The following MAGI1 variants were observed in gnomAD, a reference collection of about 807,000 sequenced individuals.
MAGI1 encodes the protein membrane-associated guanylate kinase, WW and PDZ domain-containing protein 1.
Under a neutral mutation model 139.9 loss-of-function variants are expected in MAGI1, and 58 were observed. The ratio of observed to expected loss-of-function variants is 0.41; its 90% CI spans 0.34 to 0.52. The LOEUF (loss-of-function observed/expected upper bound fraction) is 0.52. Ranked by LOEUF, MAGI1 falls within the 20% of genes least tolerant of loss-of-function variation. The pLI is 0.12. For missense variants in MAGI1, 1,874 were observed against 1,901.6 expected (o/e 0.99, Z 0.27); for synonymous variants, 812 against 737.9 (o/e 1.10, Z -1.63).
intron 1 of MAGI1, among the ~76,000 whole-genome samples, chr3:65,921,404 G>C (rs1447514814): frequency 6.6e-6 from 1 of 151,788 alleles, no homozygotes; most frequent in Admixed American, 6.6e-5. Context: ...TGTGTCCCGG[G>C]TTCAAGTAAT....
chr3:65,888,940 T>A (rs1301167849), intron 1 of MAGI1, among the ~76,000 whole-genome samples: 1 of 152,172 alleles, frequency 6.6e-6, no homozygotes, highest in Non-Finnish European at 1.5e-5. Flanking sequence ...GCCATATATG[T>A]GTGTATGTTT....
At chr3:65,476,919 T>C (rs530868007) in intron 4 of MAGI1, among the ~76,000 whole-genome samples, 13 of 152,354 alleles carry the variant, frequency 8.5e-5, no homozygotes, top group African/African-American at 2.6e-4. Flanking sequence ...GGCAAATTTC[T>C]TCTAGATATT....
At chr3:65,502,450 G>A (rs1000101643) in intron 2 of MAGI1, among the ~76,000 whole-genome samples, 2 of 152,130 alleles carry the variant, frequency 1.3e-5, no homozygotes, top group African/African-American at 4.8e-5. Context: ...CATGAACTGG[G>A]TGGCTTAAAC....
At chr3:65,568,461 G>A (rs1234766681) in intron 2 of MAGI1, among the ~76,000 whole-genome samples, 5 of 152,192 alleles carry the variant, frequency 3.3e-5, no homozygotes, top group Admixed American at 6.5e-5. Context: ...GTGAAACAGT[G>A]AGTCGGGGAG....
intron 1 of MAGI1, among the ~76,000 whole-genome samples, chr3:65,863,566 A>G (rs764413323): frequency 6.6e-6 from 1 of 152,188 alleles, no homozygotes; most frequent in Non-Finnish European, 1.5e-5. Context: ...TTGCAGGTCA[A>G]TTACCTTTGT....
intron 1 of MAGI1, among the ~76,000 whole-genome samples, chr3:65,678,486 A>G (rs895743172): frequency 6.6e-6 from 1 of 152,220 alleles, no homozygotes; most frequent in Non-Finnish European, 1.5e-5. Context: ...GCTACTTGGT[A>G]TCAAGTAAAA....
chr3:65,964,920 A>C (rs1290663805), intron 1 of MAGI1, among the ~76,000 whole-genome samples: 1 of 152,232 alleles, frequency 6.6e-6, no homozygotes, highest in African/African-American at 2.4e-5. Context: ...AATTTCAATA[A>C]GAAACTCTCC....
intron 2 of MAGI1, among the ~76,000 whole-genome samples, chr3:65,617,215 C>T (rs2083424344): frequency 6.6e-6 from 1 of 152,150 alleles, no homozygotes; most frequent in African/African-American, 2.4e-5. Flanking sequence ...CCTTGATGAA[C>T]AAAGTGTTAA....
At chr3:65,775,494 C>A (rs1360904438) in intron 1 of MAGI1, among the ~76,000 whole-genome samples, 2 of 119,448 alleles carry the variant, frequency 1.7e-5, no homozygotes, top group African/African-American at 3.3e-5. Flanking sequence ...TCTTCTCACC[C>A]ACTCTGCCAA....
intron 12 of MAGI1, among the ~76,000 whole-genome samples, chr3:65,402,633 G>A (rs755919655): frequency 1.3e-5 from 2 of 152,088 alleles, no homozygotes; most frequent in Non-Finnish European, 2.9e-5. Flanking sequence ...GTGATTCCTA[G>A]GGAGTGTGAC....
At chr3:66,020,869 A>T (rs1431755563) in intron 1 of MAGI1, among the ~76,000 whole-genome samples, 1 of 152,058 alleles carries the variant, frequency 6.6e-6, no homozygotes, top group African/African-American at 2.4e-5. Context: ...AGAAAACATC[A>T]CCCCTAACCT....
intron 2 of MAGI1, among the ~76,000 whole-genome samples, chr3:65,551,909 C>G (rs17432146): frequency 0.13 from 20,145 of 152,206 alleles, 1,658 homozygotes; most frequent in South Asian, 0.19. Flanking sequence ...CAAAGCAAAG[C>G]TGGTACAATT....
chr3:65,569,581 T>G (rs2080842900), intron 2 of MAGI1, among the ~76,000 whole-genome samples: 1 of 152,148 alleles, frequency 6.6e-6, no homozygotes, highest in Non-Finnish European at 1.5e-5. Flanking sequence ...CCTTTAAGAT[T>G]TAAATGTTTA....
chr3:65,976,065 G>C (rs943037900), intron 1 of MAGI1, among the ~76,000 whole-genome samples: 2 of 152,112 alleles, frequency 1.3e-5, no homozygotes, highest in Admixed American at 6.6e-5. Context: ...CTTTGCAAGT[G>C]TTTCATCCCA....
intron 2 of MAGI1, among the ~76,000 whole-genome samples, chr3:65,585,707 C>G (rs547188547): frequency 6.6e-6 from 1 of 152,246 alleles, no homozygotes; most frequent in African/African-American, 2.4e-5. Context: ...GACACAAATA[C>G]CTATCTAATA....
intron 1 of MAGI1, among the ~76,000 whole-genome samples, chr3:65,668,667 A>G (rs13088338): frequency 0.32 from 46,136 of 145,572 alleles, 8,592 homozygotes; most frequent in East Asian, 0.63. Flanking sequence ...CCTAGGTTCA[A>G]TTGATTCTGC....
chr3:65,377,810 A>G (rs534411370), intron 17 of MAGI1, among the ~76,000 whole-genome samples: 1 of 152,352 alleles, frequency 6.6e-6, no homozygotes, highest in South Asian at 2.1e-4. Flanking sequence ...TTGTTACTGC[A>G]GCCACACATG....
chr3:66,027,223 G>A (rs554066728), intron 1 of MAGI1, among the ~76,000 whole-genome samples: 4 of 151,632 alleles, frequency 2.6e-5, no homozygotes, highest in East Asian at 1.9e-4. Context: ...AGCCAAGATC[G>A]CACCACTGCA....
chr3:65,989,711 T>C (rs778302654), intron 1 of MAGI1, among the ~76,000 whole-genome samples: 10 of 152,082 alleles, frequency 6.6e-5, no homozygotes, highest in Non-Finnish European at 1.2e-4. Context: ...CTAATTTTTG[T>C]ATTTTTGGTA....
Sources: allele counts gnomAD v4.1 joint callset (sites outside exome capture counted in the v4.1 genomes callset), GRCh38; gene constraint gnomAD v4.1.1; transcripts MANE v1.5; gene names NCBI Gene and HGNC (gene_info 2026-07-23, HGNC 2026-07-21).